Variants in DPP10 observed in about 807,000 individuals in gnomAD.
DPP10 encodes dipeptidyl peptidase like 10, also known as inactive dipeptidyl peptidase 10.
A neutral mutation model predicts 120.9 loss-of-function variants in DPP10; 33 were observed. The observed-to-expected ratio is 0.27, with a 90% CI of 0.21 to 0.37. The LOEUF is 0.37. DPP10 is among the 10% of genes least tolerant of loss of function. The pLI, the probability that DPP10 is intolerant of heterozygous loss-of-function variation, is 1.00. For synonymous variants in DPP10, 337 were observed against 326.1 expected, an observed-to-expected ratio of 1.03 and a Z score of -0.36; for missense variants, 816 against 942.8, an observed-to-expected ratio of 0.87 and a Z score of 1.76.
intron 1 of DPP10, among the ~76,000 whole-genome samples, chr2:114,915,048 G>T (rs760244651): frequency 6.6e-6 from 1 of 151,964 alleles, no homozygotes; most frequent in Non-Finnish European, 1.5e-5. Flanking sequence ...GGAGAATGGC[G>T]TGAACCCGGG....
At chr2:115,273,015 T>C (rs984552235) in intron 1 of DPP10, among the ~76,000 whole-genome samples, 2 of 150,808 alleles carry the variant, frequency 1.3e-5, no homozygotes, top group Admixed American at 6.6e-5. Context: ...ACCACAACTT[T>C]CAGGAAAAAC....
chr2:114,885,063 G>T (rs778211130), intron 1 of DPP10, among the ~76,000 whole-genome samples: 2 of 152,120 alleles, frequency 1.3e-5, no homozygotes, highest in Non-Finnish European at 2.9e-5. Context: ...CTTGGTATTT[G>T]GCTGTTCTCA....
At chr2:114,724,882 T>A (rs1296294626) in intron 1 of DPP10, among the ~76,000 whole-genome samples, 2 of 152,186 alleles carry the variant, frequency 1.3e-5, no homozygotes, top group Non-Finnish European at 2.9e-5. Flanking sequence ...AGCAAGAGTG[T>A]GGGGTTTTTT....
chr2:114,762,484 A>C (rs190573978), intron 1 of DPP10, among the ~76,000 whole-genome samples: 141 of 152,360 alleles, frequency 9.3e-4, no homozygotes, highest in African/African-American at 3.3e-3. Context: ...AGCTGGAAAT[A>C]TACTTTGAAA....
intron 5 of DPP10, among the ~76,000 whole-genome samples, chr2:115,609,698 A>C (rs971660350): frequency 1.3e-5 from 2 of 152,200 alleles, no homozygotes; most frequent in Non-Finnish European, 2.9e-5. Flanking sequence ...ATTACAGAGA[A>C]TAGTAAGAAA....
At chr2:115,528,360 AAAATAAAT>A (rs1006113606) in intron 5 of DPP10, among the ~76,000 whole-genome samples, 5 of 151,598 alleles carry the variant, frequency 3.3e-5, no homozygotes, top group African/African-American at 7.3e-5. Context: ...AAGTATAATA[AAAATAAAT>A]AAATAAATAA....
chr2:115,463,966 G>A (rs534094110), intron 3 of DPP10, among the ~76,000 whole-genome samples: 1 of 152,228 alleles, frequency 6.6e-6, no homozygotes, highest in Admixed American at 6.5e-5. Flanking sequence ...TGAGTCCAGA[G>A]TGGCATATTT....
intron 5 of DPP10, among the ~76,000 whole-genome samples, chr2:115,567,744 A>G (rs901451675): frequency 7.2e-5 from 11 of 152,210 alleles, no homozygotes; most frequent in Admixed American, 6.5e-4. Flanking sequence ...AAATGCATAC[A>G]TAGTTTTATT....
intron 1 of DPP10, among the ~76,000 whole-genome samples, chr2:114,935,271 A>C (rs951952400): frequency 2.5e-5 from 2 of 78,678 alleles, no homozygotes; most frequent in African/African-American, 9.7e-5. Context: ...CCTCCTCTCA[A>C]TGCCTGTAAG....
intron 1 of DPP10, among the ~76,000 whole-genome samples, chr2:115,109,453 T>C (rs1402713538): frequency 6.6e-6 from 1 of 151,996 alleles, no homozygotes; most frequent in Non-Finnish European, 1.5e-5. Flanking sequence ...GGAGAATCGC[T>C]TGAAACAAGG....
At position 115,746,211 on chromosome 2, in the gene DPP10, G is replaced by T. The variant is rs751668634; in HGVS notation, c.950+28G>T. On this transcript the variant is annotated intron_variant, in intron 10 of 25. Transcript: ENST00000410059. ...ATGCAATTTCAATTTCACTTTTATG[G>T]GGAAATAGATATTTTCACTCCAATT... The T allele has an allele frequency of 4.5e-6, 7 of 1,543,230 alleles. No homozygotes were observed. In the Admixed American group the frequency reaches 1.0e-4, roughly 23 times the overall value.
chr2:114,956,604 T>G (rs968072299), intron 1 of DPP10, among the ~76,000 whole-genome samples: 1 of 152,078 alleles, frequency 6.6e-6, no homozygotes, highest in South Asian at 2.1e-4. Flanking sequence ...GTCCTAAAAT[T>G]TATTTGAAAC....
At position 115,088,697 on chromosome 2, in the gene DPP10, T is replaced by C. The variant is rs1317485128; in HGVS notation, c.61-220542T>C. On this transcript the variant is annotated intron_variant, in intron 1 of 25. Transcript: ENST00000410059. ...CTGGCCTCAAGCAACCCTCCTACCT[T>C]GGCCTCCCAAAGTGCCGGGATTAGG... Among the ~76,000 whole-genome samples the C allele has an allele frequency of 1.1e-3, 123 of 116,982 alleles. 1 individual carries two copies. In the Admixed American group the frequency reaches 0.015, roughly 14 times the overall value. 76.7% of individuals were successfully genotyped at this position (116,982 alleles called of 152,430 possible). A position where few individuals can be genotyped will look rare whatever the true frequency, so the allele number is the denominator to read the frequency against.
intron 1 of DPP10, among the ~76,000 whole-genome samples, chr2:114,770,045 T>C (rs543587165): frequency 6.6e-6 from 1 of 152,280 alleles, no homozygotes; most frequent in South Asian, 2.1e-4. Flanking sequence ...CCTAATCCCA[T>C]GTGCACAGCA....
intron 10 of DPP10, among the ~76,000 whole-genome samples, chr2:115,747,603 T>TTC (rs1171065294): frequency 6.6e-6 from 1 of 151,332 alleles, no homozygotes; most frequent in African/African-American, 2.4e-5. Flanking sequence ...TCTTTTTTTT[T>TTC]TTTTTCTTGA....
intron 1 of DPP10, among the ~76,000 whole-genome samples, chr2:114,892,725 T>C (rs1692641928): frequency 6.6e-6 from 1 of 152,172 alleles, no homozygotes; most frequent in Non-Finnish European, 1.5e-5. Context: ...AGAAGTTCTA[T>C]CAGCTTTCCT....
intron 1 of DPP10, among the ~76,000 whole-genome samples, chr2:114,642,813 A>G (rs948723480): frequency 6.6e-6 from 1 of 151,944 alleles, no homozygotes; most frequent in African/African-American, 2.4e-5. Context: ...TGGGATTAAT[A>G]TGTGCAGAAC....
intron 1 of DPP10, among the ~76,000 whole-genome samples, chr2:114,731,491 G>T (rs545234008): frequency 6.6e-6 from 1 of 152,098 alleles, no homozygotes; most frequent in Non-Finnish European, 1.5e-5. Context: ...TGTACCTTCC[G>T]TGGGATACTT....
chr2:115,624,683 G>C (rs930793840), intron 5 of DPP10, among the ~76,000 whole-genome samples: 6 of 152,198 alleles, frequency 3.9e-5, no homozygotes, highest in Non-Finnish European at 5.9e-5. Context: ...GCACCGAGTA[G>C]ATGGTTGGCA....
Sources: gnomAD v4.1 joint callset for allele counts (sites outside exome capture counted in the v4.1 genomes callset) on GRCh38, gnomAD v4.1.1 for gene constraint, MANE v1.5 for transcripts, NCBI Gene and HGNC (gene_info 2026-07-23, HGNC 2026-07-21) for gene names.